The following SLC23A2 variants were observed in gnomAD, a reference collection of about 807,000 sequenced individuals.
SLC23A2 encodes the protein Na(+)/L-ascorbic acid transporter 2.
Under a neutral mutation model 73.3 loss-of-function variants are expected in SLC23A2, and 36 were observed. That is an observed-to-expected ratio of 0.49 (90% CI 0.38 to 0.65). The LOEUF is 0.65. Among genes scored for constraint, SLC23A2 ranks in the 30% least tolerant of loss-of-function variants. The pLI is 0.00. For missense variants in SLC23A2, 507 were observed against 841.6 expected, an observed-to-expected ratio of 0.60 and a Z score of 4.92; for synonymous variants, 343 against 327.3, an observed-to-expected ratio of 1.05 and a Z score of -0.52.
chr20:4,992,810 A>G (rs6053022), intron 1 of SLC23A2, among the ~76,000 whole-genome samples: 54,078 of 151,216 alleles, frequency 0.36, 10,095 homozygotes, highest in Admixed American at 0.42. Context: ...GCGCTTGGCC[A>G]ACAGACTTGA....
At chr20:4,907,962 A>C (rs1223387207) in intron 4 of SLC23A2, among the ~76,000 whole-genome samples, 1 of 152,146 alleles carries the variant, frequency 6.6e-6, no homozygotes, top group African/African-American at 2.4e-5. Flanking sequence ...AAAACTATGA[A>C]AGTGTGAGGA....
intron 6 of SLC23A2, among the ~76,000 whole-genome samples, chr20:4,898,593 G>A (rs1399804653): frequency 1.3e-5 from 2 of 152,148 alleles, no homozygotes; most frequent in Non-Finnish European, 2.9e-5. Flanking sequence ...AGTGCCCTGG[G>A]GTAAAGCAAG....
intron 13 of SLC23A2, among the ~76,000 whole-genome samples, chr20:4,866,402 G>A (rs1322299068): frequency 6.6e-6 from 1 of 152,224 alleles, no homozygotes; most frequent in Non-Finnish European, 1.5e-5. Context: ...GCTCATGGCA[G>A]CAAACTGGCT....
chr20:4,875,786 G>T (rs1314030637), intron 9 of SLC23A2, among the ~76,000 whole-genome samples: 2 of 152,194 alleles, frequency 1.3e-5, no homozygotes, highest in Non-Finnish European at 2.9e-5. Flanking sequence ...ACGCGGTCTC[G>T]CTCTTTCACT....
In SLC23A2 at chr20:4,857,029, G is replaced by A; in HGVS notation, c.1896C>T (p.Gly632=). The part of the protein sequence containing the change: ...SPTFVGYTWK[G]LRKSDNSRSS... ...TCCGGCTGTTGTCGCTCTTCCTGAG[G>A]CCTTTCCATGTGTAGCCCACAAAGG... Residue 632 remains glycine (G), a synonymous_variant, in exon 17 of 17, where the codon GGC becomes GGT. Transcript: ENST00000338244. This position sits in a 1 kb window ranked among gnomAD's most constrained non-coding sequence, Gnocchi z 4.0. The A allele has an allele frequency of 6.2e-7, 1 of 1,614,168 alleles. No individual in the cohort carries two copies. The highest frequency in any genetic ancestry group is 8.5e-7 in the Non-Finnish European group (1 of 1,180,018).
chr20:4,950,286 G>C (rs905299998), intron 2 of SLC23A2, among the ~76,000 whole-genome samples: 1 of 152,214 alleles, frequency 6.6e-6, no homozygotes. Flanking sequence ...CCAGCTCAGT[G>C]AAAAGGGAGA....
intron 3 of SLC23A2, among the ~76,000 whole-genome samples, chr20:4,927,814 A>G (rs1372021491): frequency 6.6e-6 from 1 of 151,818 alleles, no homozygotes; most frequent in Non-Finnish European, 1.5e-5. Flanking sequence ...TATCTCCCAG[A>G]CCCACCAATT....
In SLC23A2 at chr20:4,854,952, A is replaced by AAC. The variant is rs1469511503; in HGVS notation, c.*2018_*2019dup. The AAC allele has an allele frequency of 6.6e-6, 1 of 152,556 alleles. No homozygotes were observed. Among genetic ancestry groups the AAC allele is most frequent in the Non-Finnish European group, 1.5e-5 (1 of 68,050 alleles). The allele number at this position is 152,556 out of a possible 1,614,324, so 9.5% of individuals were successfully genotyped here. A position where few individuals can be genotyped will look rare whatever the true frequency, so the allele number is the denominator to read the frequency against. On this transcript the variant is annotated 3_prime_UTR_variant, in exon 17 of 17. Transcript: ENST00000338244. The stretch of plus-strand genomic sequence containing the variant: ...AACTGGAGATGTTGAGCAAAATCCA[A>AAC]ACAGAAGGAACTGAGAGCAACTCAT...
At chr20:4,910,683 A>T in intron 4 of SLC23A2, among the ~76,000 whole-genome samples, 1 of 152,036 alleles carries the variant, frequency 6.6e-6, no homozygotes, top group Non-Finnish European at 1.5e-5. Flanking sequence ...TGATCCACCC[A>T]TCTCGGCCTC....
intron 1 of SLC23A2, 99 bp downstream of exon 1, chr20:5,001,307 C>T (rs892914211): frequency 6.8e-6 from 1 of 146,656 alleles, no homozygotes; most frequent in African/African-American, 2.5e-5. Flanking sequence ...GCGCGGGGGC[C>T]GTGCCAGGCC....
Position 4,899,403 on chromosome 20 carries a change from C to T in SLC23A2, c.482+152G>A. On this transcript the variant is annotated intron_variant, in intron 6 of 16. Coordinates refer to ENST00000338244, the MANE Select transcript of SLC23A2 (RefSeq NM_005116.6). This position sits in a 1 kb window ranked among gnomAD's most constrained non-coding sequence, Gnocchi z 4.9. ...CAAGAGAGGAAATGACTGGGAGGAA[C>T]ACTGAGGGGTGGGGACCAACGGCCA... 3 of 801,892 alleles carry T rather than the reference C, an allele frequency of 3.7e-6. No individual in the cohort carries two copies. The highest frequency in any genetic ancestry group is 1.6e-5 in the South Asian group (1 of 63,242). The allele number at this position is 801,892 out of a possible 1,614,324, so 49.7% of individuals were successfully genotyped here. A position where few individuals can be genotyped will look rare whatever the true frequency, so the allele number is the denominator to read the frequency against.
intron 1 of SLC23A2, among the ~76,000 whole-genome samples, chr20:4,990,938 G>A (rs918592701): frequency 9.1e-5 from 12 of 132,186 alleles, no homozygotes; most frequent in South Asian, 2.6e-4. Context: ...CACCACTGAC[G>A]CCAGCCTGGG....
At chr20:4,986,689 C>CACACACACACACACACACACAG (rs71197739) in intron 1 of SLC23A2, among the ~76,000 whole-genome samples, 4 of 129,962 alleles carry the variant, frequency 3.1e-5, no homozygotes, top group South Asian at 2.8e-4. Flanking sequence ...CACACACACA[C>CACACACACACACACACACACAG]AGAGATGAAT....
chr20:4,927,288 G>C (rs1321148937), intron 3 of SLC23A2, among the ~76,000 whole-genome samples: 1 of 152,214 alleles, frequency 6.6e-6, no homozygotes, highest in African/African-American at 2.4e-5. Flanking sequence ...CTGCCATGCT[G>C]GCTATTCTTC....
intron 9 of SLC23A2, among the ~76,000 whole-genome samples, chr20:4,879,439 C>G (rs925260712): frequency 7.5e-6 from 1 of 133,120 alleles, no homozygotes; most frequent in African/African-American, 3.0e-5. Flanking sequence ...AAAAATCCTC[C>G]TATTCTCACA....
intron 2 of SLC23A2, among the ~76,000 whole-genome samples, chr20:4,952,083 G>A (rs183419817): frequency 2.7e-4 from 30 of 110,604 alleles, no homozygotes; most frequent in Middle Eastern, 0.023. Flanking sequence ...CAGCCTGGGC[G>A]ACAGAGCAAG....
At chr20:4,884,055 G>A (rs1023924773) in intron 8 of SLC23A2, among the ~76,000 whole-genome samples, 7 of 152,104 alleles carry the variant, frequency 4.6e-5, no homozygotes, top group African/African-American at 1.4e-4. Context: ...CTGGACACAC[G>A]GCCCACATGC....
rs984877264 is a variant in SLC23A2 at position 4,855,568 on chromosome 20, A to G, written c.*1404T>C. The G allele has an allele frequency of 3.9e-5, 6 of 152,480 alleles. No individual in the cohort carries two copies. The highest frequency in any genetic ancestry group is 3.9e-4 in the Admixed American group (6 of 15,266). 9.4% of individuals were successfully genotyped at this position (152,480 alleles called of 1,614,324 possible). ...AGGGAGCCTGTTGGCTGCTTTTCTT[A>G]TCACCTTTGGCAACCACCCTCACCT... On this transcript the variant is annotated 3_prime_UTR_variant, in exon 17 of 17. Coordinates refer to ENST00000338244, the MANE Select transcript of SLC23A2 (RefSeq NM_005116.6).
chr20:4,971,235 G>A (rs1171663166), intron 1 of SLC23A2, among the ~76,000 whole-genome samples: 1 of 151,892 alleles, frequency 6.6e-6, no homozygotes, highest in Non-Finnish European at 1.5e-5. Flanking sequence ...GGTAGGTCAA[G>A]GCAGGCAGGT....
Sources: gnomAD v4.1 joint callset for allele counts (sites outside exome capture counted in the v4.1 genomes callset) on GRCh38, gnomAD v4.1.1 for gene constraint, Gnocchi (gnomAD v3.1) non-coding constraint, MANE v1.5 for transcripts, NCBI Gene and HGNC (gene_info 2026-07-23, HGNC 2026-07-21) for gene names.